The following DAZL variants were observed in gnomAD, a reference collection of about 807,000 sequenced individuals.
DAZL encodes the protein deleted in azoospermia-like.
DAZL carries 4 observed loss-of-function variants against 45.0 expected under a neutral mutation model. That is an observed-to-expected ratio of 0.09 (90% CI 0.04 to 0.20). The LOEUF is 0.20. Among genes scored for constraint, DAZL ranks in the 10% least tolerant of loss-of-function variants. The probability of loss-of-function intolerance (pLI) is 1.00; values close to 1 mark genes in which losing one functional copy is unlikely to be tolerated. For synonymous variants in DAZL, 122 were observed against 112.4 expected (o/e 1.09, Z -0.54); for missense variants, 326 against 351.3 (o/e 0.93, Z 0.58).
intron 6 of DAZL, among the ~76,000 whole-genome samples, chr3:16,595,788 G>A (rs1289810622): frequency 6.6e-6 from 1 of 151,966 alleles, no homozygotes; most frequent in Non-Finnish European, 1.5e-5. Context: ...CAATATTATA[G>A]GGTAATATGT....
rs1362048966 is a variant in DAZL, at chr3:16,597,134, A to G, written c.295-83T>C. The G allele has an allele frequency of 2.1e-6, 3 of 1,426,882 alleles. No homozygotes were observed. In the East Asian group the frequency reaches 6.9e-5, roughly 33 times the overall value. The allele number at this position is 1,426,882 out of a possible 1,614,324, so 88.4% of individuals were successfully genotyped here. On this transcript the variant is annotated intron_variant, in intron 4 of 10. Coordinates refer to ENST00000399444, the MANE Select transcript of DAZL (RefSeq NM_001351.4). Reference sequence around the variant, plus strand: ...TTGGATGAACACCTAAAGTCTTCTAAAATTCCTATTATCATAGAAGATCAG... The same window carrying G: ...TTGGATGAACACCTAAAGTCTTCTAGAATTCCTATTATCATAGAAGATCAG...
intron 1 of DAZL, 132 bp downstream of exon 1, chr3:16,605,071 G>C (rs1694757705): frequency 2.6e-6 from 3 of 1,169,842 alleles, no homozygotes; most frequent in Non-Finnish European, 3.9e-6. Context: ...CCATGGCTGT[G>C]GTGCGTCCAG....
Position 16,605,391 on chromosome 3 carries a change from G to A in DAZL, c.-186C>T. On this transcript the variant is annotated 5_prime_UTR_variant, in exon 1 of 11. Coordinates refer to ENST00000399444, the MANE Select transcript of DAZL (RefSeq NM_001351.4). ...TGACAAGGCTGAGGAGCCCCGAAAG[G>A]CGGACCGTCAGGCTGAGGAGCGCAG... 2 of 725,058 alleles carry A rather than the reference G, an allele frequency of 2.8e-6. No homozygotes were observed. Among genetic ancestry groups the A allele is most frequent in the Non-Finnish European group, 2.4e-6 (1 of 413,056 alleles). The allele number at this position is 725,058 out of a possible 1,614,324, so 44.9% of individuals were successfully genotyped here.
In DAZL at chr3:16,605,363, G is replaced by C. The variant is rs956227841; in HGVS notation, c.-158C>G. 1.1e-6 allele frequency: 1 copy of C among 901,588 alleles called. No individual in the cohort carries two copies. Among genetic ancestry groups the C allele is most frequent in the Non-Finnish European group, 1.8e-6 (1 of 550,162 alleles). 55.8% of individuals were successfully genotyped at this position (901,588 alleles called of 1,614,324 possible). On this transcript the variant is annotated 5_prime_UTR_variant, in exon 1 of 11. Transcript: ENST00000399444. Reference sequence around the variant, plus strand: ...TGAAGAGAAAAGGAAAACCAAGAGCGGGTGACAAGGCTGAGGAGCCCCGAA... The same window carrying C: ...TGAAGAGAAAAGGAAAACCAAGAGCCGGTGACAAGGCTGAGGAGCCCCGAA...
chr3:16,593,058 G>T (rs753152295), intron 9 of DAZL, among the ~76,000 whole-genome samples: 1 of 101,662 alleles, frequency 9.8e-6, no homozygotes, highest in African/African-American at 5.6e-5. Flanking sequence ...AGAGAATGCC[G>T]TAAGTAATGT....
intron 1 of DAZL, chr3:16,604,829 G>A (rs1479415185): frequency 2.1e-6 from 2 of 964,748 alleles, no homozygotes; most frequent in Non-Finnish European, 2.9e-6. Flanking sequence ...GGAGCGCGTG[G>A]GAGTGGGGGC....
chr3:16,600,391 G>A (rs1694665792), intron 1 of DAZL, among the ~76,000 whole-genome samples: 1 of 152,008 alleles, frequency 6.6e-6, no homozygotes, highest in Admixed American at 6.6e-5. Context: ...TTCTCTATTC[G>A]TTTGTGCTTA....
chr3:16,586,994 TA>T lies in DAZL; in HGVS notation c.*1665del, dbSNP rs1222712897. 1 of 152,176 alleles carries T rather than the reference TA, an allele frequency of 6.6e-6. No homozygotes were observed. Among genetic ancestry groups the T allele is most frequent in the East Asian group, 1.9e-4 (1 of 5,208 alleles). The allele number at this position is 152,176 out of a possible 1,614,324, so 9.4% of individuals were successfully genotyped here. A position where few individuals can be genotyped will look rare whatever the true frequency, so the allele number is the denominator to read the frequency against. ...ACTTTTCCTTAAGGTCATATTGGAA[TA>T]ATTAGAAGTAGCTCTTTAGAATATA... On this transcript the variant is annotated 3_prime_UTR_variant, in exon 11 of 11. Coordinates refer to ENST00000399444, the MANE Select transcript of DAZL (RefSeq NM_001351.4).
chr3:16,596,846 A>G lies in DAZL; in HGVS notation c.402T>C (p.Pro134=). ...AGACATTCTGAAACTGTGGTGGAGG[A>G]GGATGATTAAAAACCAAAGGACGTG... is the stretch of plus-strand genomic sequence containing the variant. ...VQPRPLVFNH[P]PPPQFQNVWT... The change falls in exon 6 of 11, where the codon CCT becomes CCC. Residue 134 remains proline (P), a synonymous_variant. Coordinates refer to ENST00000399444, the MANE Select transcript of DAZL (RefSeq NM_001351.4). The G allele has an allele frequency of 1.9e-6, 3 of 1,613,928 alleles. No homozygotes were observed. Among genetic ancestry groups the G allele is most frequent in the Non-Finnish European group, 2.5e-6 (3 of 1,179,798 alleles).
chr3:16,601,357 T>C (rs1169949866), intron 1 of DAZL, among the ~76,000 whole-genome samples: 4 of 152,172 alleles, frequency 2.6e-5, no homozygotes, highest in Admixed American at 6.5e-5. Flanking sequence ...GAATCGTAAA[T>C]ATAAAATTCA....
Position 16,593,667 on chromosome 3 carries a change from A to G in DAZL, c.723T>C (p.Asn241=). 6.2e-7 allele frequency: 1 copy of G among 1,607,770 alleles called. No homozygotes were observed. Among genetic ancestry groups the G allele is most frequent in the Non-Finnish European group, 8.5e-7 (1 of 1,175,744 alleles). Residue 241 remains asparagine (N), a synonymous_variant, in exon 9 of 11, where the codon AAT becomes AAC. Coordinates refer to ENST00000399444, the MANE Select transcript of DAZL (RefSeq NM_001351.4). ...SVHEATPPSG[N]GPQKKSVDRS... is the part of the protein sequence containing the mutation. ...ATTAGATGTTTGCCTTTTGTGGGCCATTTCCAGAGGGTGGAGTAGCTTCAT... is the reference window on the plus strand; with the variant it reads ...ATTAGATGTTTGCCTTTTGTGGGCCGTTTCCAGAGGGTGGAGTAGCTTCAT...
intron 1 of DAZL, among the ~76,000 whole-genome samples, chr3:16,600,748 A>G (rs1307572645): frequency 5.3e-5 from 8 of 149,550 alleles, no homozygotes; most frequent in Non-Finnish European, 2.9e-5. Flanking sequence ...TTCTTTGATA[A>G]ACAAGCTATA....
At chr3:16,592,999 T>C (rs565156448) in intron 9 of DAZL, among the ~76,000 whole-genome samples, 1 of 152,342 alleles carries the variant, frequency 6.6e-6, no homozygotes, top group South Asian at 2.1e-4. Flanking sequence ...TGAATAATTA[T>C]TACTGACTTC....
intron 10 of DAZL, among the ~76,000 whole-genome samples, chr3:16,591,130 T>G (rs1415421758): frequency 6.6e-6 from 1 of 152,196 alleles, no homozygotes; most frequent in East Asian, 1.9e-4. Flanking sequence ...ATTCATAGAC[T>G]TAGAACTACA....
intron 9 of DAZL, 117 bp from the exon 10 acceptor site, chr3:16,592,265 T>G: frequency 1.4e-6 from 2 of 1,465,402 alleles, no homozygotes. Flanking sequence ...ATGCAAAAAA[T>G]GCTAAAAGAG....
chr3:16,595,634 A>G (rs1489283299), intron 6 of DAZL, among the ~76,000 whole-genome samples: 1 of 152,054 alleles, frequency 6.6e-6, no homozygotes, highest in African/African-American at 2.4e-5. Context: ...AAAGTTTATC[A>G]TATTTATACT....
At chr3:16,589,899 TAAAAA>T (rs34303748) in intron 10 of DAZL, among the ~76,000 whole-genome samples, 1 of 143,936 alleles carries the variant, frequency 6.9e-6, no homozygotes, top group East Asian at 2.0e-4. Flanking sequence ...TTCTGTCTCT[TAAAAA>T]AAAAAAAAAA....
rs1422386786 is a variant in DAZL, at chr3:16,592,078, G to C, written c.806C>G (p.Ser269Cys). ...LFNPENRLRN[S>C]VVTQDDYFKD... Reference sequence around the variant, plus strand: ...GAAGTAGTCATCTTGAGTAACAACAGAGTTTCTCAGTCTGTTCTCTGGATT... The same window carrying C: ...GAAGTAGTCATCTTGAGTAACAACACAGTTTCTCAGTCTGTTCTCTGGATT... The change falls in exon 10 of 11, where the codon TCT (serine) becomes TGT (cysteine). Residue 269 changes from serine to cysteine, a missense_variant. By Grantham distance (112) the Ser-to-Cys change is moderately radical. Coordinates refer to ENST00000399444, the MANE Select transcript of DAZL (RefSeq NM_001351.4). 6.2e-7 allele frequency: 1 copy of C among 1,613,544 alleles called. No homozygotes were observed. Among genetic ancestry groups the C allele is most frequent in the Non-Finnish European group, 8.5e-7 (1 of 1,179,726 alleles).
intron 6 of DAZL, among the ~76,000 whole-genome samples, 195 bp from the exon 7 acceptor site, chr3:16,595,580 G>A (rs1225626640): frequency 1.3e-5 from 2 of 151,904 alleles, no homozygotes; most frequent in African/African-American, 4.8e-5. Context: ...TGGGTGGGGA[G>A]GGGGAACAGA....
Sources: gnomAD v4.1 joint callset for allele counts (sites outside exome capture counted in the v4.1 genomes callset) on GRCh38, gnomAD v4.1.1 for gene constraint, MANE v1.5 for transcripts, NCBI Gene and HGNC (gene_info 2026-07-23, HGNC 2026-07-21) for gene names.